The following TTC34 variants were observed in gnomAD, a reference collection of about 807,000 sequenced individuals.
TTC34 encodes the protein tetratricopeptide repeat domain 34, also known as tetratricopeptide repeat protein 34.
TTC34 carries 44 observed loss-of-function variants against 40.7 expected under a neutral mutation model. That is an observed-to-expected ratio of 1.08 (90% CI 0.85 to 1.39). The LOEUF (loss-of-function observed/expected upper bound fraction) is 1.39. TTC34 is among the 40% of genes most tolerant of loss of function. The probability of loss-of-function intolerance (pLI) is 0.00; values close to 1 mark genes in which losing one functional copy is unlikely to be tolerated. For missense variants in TTC34, 884 were observed against 838.0 expected (o/e 1.05, Z -0.68); for synonymous variants, 422 against 398.6 (o/e 1.06, Z -0.70).
chr1:2,641,744 C>T (rs576078050), exon 9 of TTC34: 26 of 1,535,174 alleles, frequency 1.7e-5, no homozygotes, highest in East Asian at 2.4e-5. Flanking sequence ...CCTAAGGGCC[C>T]GGCCAAACTC....
intron 6 of TTC34, among the ~76,000 whole-genome samples, chr1:2,684,448 C>G (rs1422993540): frequency 4.3e-5 from 6 of 138,764 alleles, no homozygotes; most frequent in East Asian, 2.1e-4. Flanking sequence ...CCCAGGTGAG[C>G]ATCTGACGGC....
At chr1:2,799,268 C>T (rs1032230461) in intron 2 of TTC34, among the ~76,000 whole-genome samples, 15 of 152,200 alleles carry the variant, frequency 9.9e-5, no homozygotes, top group African/African-American at 3.1e-4. Flanking sequence ...AGGCGCCGGG[C>T]GCGGTGGTTC....
chr1:2,695,076 C>T (rs547131588), intron 6 of TTC34, among the ~76,000 whole-genome samples: 1 of 150,652 alleles, frequency 6.6e-6, no homozygotes, highest in South Asian at 2.1e-4. Context: ...ACACACACCC[C>T]CAGGCGAGCA....
chr1:2,688,060 T>C (rs1221007734), intron 6 of TTC34, among the ~76,000 whole-genome samples: 2 of 148,840 alleles, frequency 1.3e-5, no homozygotes, highest in East Asian at 2.0e-4. Flanking sequence ...CAGGTAAGCA[T>C]CTGACAGCCT....
At chr1:2,676,945 A>G (rs1266453955) in intron 6 of TTC34, among the ~76,000 whole-genome samples, 2 of 148,932 alleles carry the variant, frequency 1.3e-5, no homozygotes, top group African/African-American at 2.5e-5. Flanking sequence ...TGAGCATCTG[A>G]CAGCATGGAA....
intron 6 of TTC34, among the ~76,000 whole-genome samples, chr1:2,685,638 C>A (rs1427594387): frequency 7.6e-6 from 1 of 130,756 alleles, no homozygotes; most frequent in Non-Finnish European, 1.6e-5. Flanking sequence ...AGCACCCACA[C>A]CCTCAGGTGA....
intron 6 of TTC34, among the ~76,000 whole-genome samples, chr1:2,646,160 T>C (rs1324953119): frequency 6.6e-6 from 1 of 152,182 alleles, no homozygotes; most frequent in Non-Finnish European, 1.5e-5. Context: ...ATTATCTTTC[T>C]AGCAATTGCC....
chr1:2,647,573 G>A (rs1450403904), intron 6 of TTC34, among the ~76,000 whole-genome samples: 1 of 152,228 alleles, frequency 6.6e-6, no homozygotes, highest in Non-Finnish European at 1.5e-5. Context: ...GGTGGAGGTT[G>A]CGGTGAGCTG....
At chr1:2,752,673 A>C (rs1341954979) in intron 6 of TTC34, among the ~76,000 whole-genome samples, 2 of 109,706 alleles carry the variant, frequency 1.8e-5, no homozygotes, top group African/African-American at 7.6e-5. Context: ...GCATCTGACA[A>C]CCTGCAACAG....
At chr1:2,683,342 C>G (rs1172359189) in intron 6 of TTC34, among the ~76,000 whole-genome samples, 4 of 142,958 alleles carry the variant, frequency 2.8e-5, no homozygotes, top group African/African-American at 5.1e-5. Context: ...ACTGGAACAC[C>G]ACCCTGCACC....
chr1:2,784,610 G>C (rs1434349978), intron 5 of TTC34, among the ~76,000 whole-genome samples: 1 of 152,168 alleles, frequency 6.6e-6, no homozygotes, highest in South Asian at 2.1e-4. Flanking sequence ...CCTTATGCGG[G>C]TGTGACAGAG....
chr1:2,788,657 G>T (rs1283763501), intron 3 of TTC34, among the ~76,000 whole-genome samples: 2 of 152,214 alleles, frequency 1.3e-5, no homozygotes, highest in African/African-American at 4.8e-5. Context: ...ATGGGCGGTG[G>T]CCAGATTGTG....
At chr1:2,684,844 G>T (rs1640250677) in intron 6 of TTC34, among the ~76,000 whole-genome samples, 1 of 118,560 alleles carries the variant, frequency 8.4e-6, no homozygotes. Context: ...ACACCCACAG[G>T]TGAGCATCTG....
chr1:2,749,464 G>T (rs1435147203), intron 6 of TTC34, among the ~76,000 whole-genome samples: 2 of 113,046 alleles, frequency 1.8e-5, no homozygotes, highest in Non-Finnish European at 3.6e-5. Context: ...GCATCTGACG[G>T]CCTGGAACAG....
At chr1:2,769,679 G>T (rs1245244314) in intron 6 of TTC34, among the ~76,000 whole-genome samples, 196 of 9,274 alleles carry the variant, frequency 0.021, no homozygotes, top group East Asian at 0.037. Context: ...CACCCCCAGG[G>T]GAGCATCTGA....
chr1:2,648,019 A>G (rs1258608395), intron 6 of TTC34, among the ~76,000 whole-genome samples: 1 of 146,988 alleles, frequency 6.8e-6, no homozygotes, highest in Non-Finnish European at 1.5e-5. Context: ...TTTTTTTTTC[A>G]TATTCCTCTG....
intron 6 of TTC34, among the ~76,000 whole-genome samples, chr1:2,650,679 C>CT (rs966324373): frequency 6.6e-6 from 1 of 151,896 alleles, no homozygotes; most frequent in Non-Finnish European, 1.5e-5. Context: ...AGGTGAGCAT[C>CT]TGACAGTCGG....
At chr1:2,755,793 A>C (rs1235821953) in intron 6 of TTC34, among the ~76,000 whole-genome samples, 14 of 79,716 alleles carry the variant, frequency 1.8e-4, no homozygotes, top group East Asian at 4.7e-4. Context: ...CCCCCAGGTG[A>C]GCATCTGATG....
At chr1:2,800,054 G>A (rs1255476123) in exon 2 of TTC34, 10 of 398,332 alleles carry the variant, frequency 2.5e-5, no homozygotes, top group East Asian at 7.1e-5. Flanking sequence ...CTTGGGGTTC[G>A]CTGCCGGTGG....
Sources: gnomAD v4.1 joint callset for allele counts (sites outside exome capture counted in the v4.1 genomes callset) on GRCh38, gnomAD v4.1.1 for gene constraint, MANE v1.5 for transcripts, NCBI Gene and HGNC (gene_info 2026-07-23, HGNC 2026-07-21) for gene names.